CACNA1E: variants seen among roughly 807,000 people sequenced by gnomAD.
The protein encoded by CACNA1E is calcium voltage-gated channel subunit alpha1 E, also known as voltage-dependent R-type calcium channel subunit alpha-1E.
In CACNA1E, 40 loss-of-function variants were observed where a neutral mutation model predicts 259.2. The ratio of observed to expected loss-of-function variants is 0.15; its 90% CI spans 0.12 to 0.20. The LOEUF (loss-of-function observed/expected upper bound fraction) is 0.20, where lower values mean the gene tolerates loss of function less well. Among genes scored for constraint, CACNA1E ranks in the 10% least tolerant of loss-of-function variants. The probability of loss-of-function intolerance (pLI) is 1.00; values close to 1 mark genes in which losing one functional copy is unlikely to be tolerated. For missense variants in CACNA1E, 1,874 were observed against 3,040.1 expected (o/e 0.62, Z 9.02); for synonymous variants, 1,104 against 1,138.5 (o/e 0.97, Z 0.61).
intron 26 of CACNA1E, 88 bp downstream of exon 26, chr1:181,750,575 C>A (rs567192798): frequency 2.4e-6 from 3 of 1,229,270 alleles, no homozygotes; most frequent in East Asian, 2.3e-5. Flanking sequence ...GAGGGGCTCA[C>A]GCACTGAGAA....
At chr1:181,375,884 T>A (rs1037796019) in intron 1 of CACNA1E, among the ~76,000 whole-genome samples, 2 of 152,256 alleles carry the variant, frequency 1.3e-5, no homozygotes, top group Non-Finnish European at 2.9e-5. Context: ...CCACATTATA[T>A]GATTACAAAT....
chr1:181,658,384 C>G (rs369432729), intron 7 of CACNA1E, among the ~76,000 whole-genome samples: 9 of 152,266 alleles, frequency 5.9e-5, no homozygotes, highest in East Asian at 5.8e-4. Context: ...GAAGCCTAAC[C>G]CTGTAAGAAA....
intron 1 of CACNA1E, among the ~76,000 whole-genome samples, chr1:181,348,615 G>T (rs975809861): frequency 6.6e-6 from 1 of 152,120 alleles, no homozygotes; most frequent in Non-Finnish European, 1.5e-5. Context: ...TGGGTGTATT[G>T]TTGCCTCAGT....
chr1:181,474,631 C>T (rs1309431331), intron 2 of CACNA1E, among the ~76,000 whole-genome samples: 2 of 152,034 alleles, frequency 1.3e-5, no homozygotes, highest in East Asian at 1.9e-4. Context: ...ATGACATTTG[C>T]CTTTTTGTAA....
chr1:181,790,633 C>A, intron 44 of CACNA1E, 77 bp downstream of exon 44: 1 of 931,650 alleles, frequency 1.1e-6, no homozygotes, highest in South Asian at 1.4e-5. Flanking sequence ...ATTACATAGT[C>A]ATGGTCCGTC....
intron 39 of CACNA1E, 70 bp from the exon 40 acceptor site, chr1:181,783,609 C>T: frequency 1.1e-6 from 1 of 871,188 alleles, no homozygotes; most frequent in Non-Finnish European, 1.9e-6. Context: ...CCCTTTTCTT[C>T]CTTTCTCACT....
intron 14 of CACNA1E, 48 bp downstream of exon 14, chr1:181,720,385 G>A (rs768016860): frequency 1.5e-5 from 23 of 1,581,342 alleles, no homozygotes; most frequent in Non-Finnish European, 1.9e-5. Context: ...AAACCCAGTC[G>A]TAGCCTGTGT....
intron 39 of CACNA1E, among the ~76,000 whole-genome samples, chr1:181,782,735 T>C (rs1475175358): frequency 6.6e-5 from 10 of 152,060 alleles, no homozygotes; most frequent in African/African-American, 1.9e-4. Flanking sequence ...GGGACCCTCA[T>C]TCCCCCCAGT....
intron 1 of CACNA1E, among the ~76,000 whole-genome samples, chr1:181,385,869 C>A (rs1482064851): frequency 6.9e-6 from 1 of 145,682 alleles, no homozygotes; most frequent in Non-Finnish European, 1.5e-5. Flanking sequence ...TTTCTTTCCT[C>A]TCTCCCTCCC....
intron 1 of CACNA1E, among the ~76,000 whole-genome samples, chr1:181,360,348 A>G (rs1370885939): frequency 6.6e-6 from 1 of 152,204 alleles, no homozygotes; most frequent in Non-Finnish European, 1.5e-5. Flanking sequence ...AAAACAACAC[A>G]ATGCCCATTA....
intron 3 of CACNA1E, among the ~76,000 whole-genome samples, chr1:181,569,496 A>C (rs1316321548): frequency 6.6e-6 from 1 of 152,270 alleles, no homozygotes; most frequent in Non-Finnish European, 1.5e-5. Context: ...TTTTTAAAAA[A>C]TAAAATGAAG....
intron 6 of CACNA1E, among the ~76,000 whole-genome samples, chr1:181,600,807 G>C (rs1371851625): frequency 6.6e-6 from 1 of 152,160 alleles, no homozygotes; most frequent in African/African-American, 2.4e-5. Context: ...AGCTGGGTCA[G>C]AGCAAGAGAT....
rs964895556 is a variant in CACNA1E at position 181,784,782 on chromosome 1, C to T, written c.5578+14C>T. ...CCATGCCCAAAGGTTTGGGTCTTCT[C>T]CTGGGTATCCTTGTCACTGTGGGCC... On this transcript the variant is annotated intron_variant, in intron 41 of 47. Coordinates refer to ENST00000367573, the MANE Select transcript of CACNA1E (RefSeq NM_001205293.3). 2.1e-6 allele frequency: 3 copies of T among 1,461,770 alleles called. No homozygotes were observed. The highest frequency in any genetic ancestry group is 2.4e-5 in the South Asian group (2 of 82,226). The allele number at this position is 1,461,770 out of a possible 1,614,324, so 90.5% of individuals were successfully genotyped here.
chr1:181,706,195 T>G (rs577035201), intron 7 of CACNA1E, among the ~76,000 whole-genome samples: 1 of 152,294 alleles, frequency 6.6e-6, no homozygotes, highest in Admixed American at 6.5e-5. Context: ...CTGGATAAAT[T>G]AAGATATTCA....
intron 6 of CACNA1E, among the ~76,000 whole-genome samples, chr1:181,585,540 G>A (rs1219470382): frequency 2.6e-5 from 4 of 152,116 alleles, no homozygotes; most frequent in Admixed American, 1.3e-4. Flanking sequence ...GAAAACATAT[G>A]GTATATCAGA....
At chr1:181,322,774 G>T in intron 1 of CACNA1E, among the ~76,000 whole-genome samples, 1 of 152,222 alleles carries the variant, frequency 6.6e-6, no homozygotes, top group East Asian at 1.9e-4. Flanking sequence ...CTATGTGGAT[G>T]ACAGTTGAAA....
At chr1:181,510,082 A>T (rs1666036356) in intron 1 of CACNA1E, among the ~76,000 whole-genome samples, 1 of 152,208 alleles carries the variant, frequency 6.6e-6, no homozygotes, top group Admixed American at 6.5e-5. Context: ...AAGACTGGGG[A>T]GAACAAGGGG....
rs116667633 is a variant in CACNA1E, at chr1:181,764,638, C to T, written c.4815+1107C>T. Among the ~76,000 whole-genome samples, 642 of 152,228 alleles carry T rather than the reference C, an allele frequency of 4.2e-3. 7 individuals carry two copies. Among genetic ancestry groups the T allele is most frequent in the African/African-American group, 0.014 (600 of 41,538 alleles). ...TATCATATCCAGAGAAAGTGTTTGG[C>T]GTAATGACTCCCACGAGGCCTCACT... On this transcript the variant is annotated intron_variant, in intron 34 of 47. Coordinates refer to ENST00000367573, the MANE Select transcript of CACNA1E (RefSeq NM_001205293.3).
intron 2 of CACNA1E, among the ~76,000 whole-genome samples, chr1:181,428,426 G>T (rs1317178325): frequency 6.6e-6 from 1 of 152,186 alleles, no homozygotes; most frequent in East Asian, 1.9e-4. Context: ...GGGGCATCCG[G>T]CACAGAGTGG....
Sources: allele counts gnomAD v4.1 joint callset (sites outside exome capture counted in the v4.1 genomes callset), GRCh38; gene constraint gnomAD v4.1.1; transcripts MANE v1.5; gene names NCBI Gene and HGNC (gene_info 2026-07-23, HGNC 2026-07-21).